Variants in SESN1 observed in about 807,000 individuals in gnomAD.
SESN1 encodes sestrin-1.
SESN1 carries 30 observed loss-of-function variants against 59.3 expected under a neutral mutation model. The ratio of observed to expected loss-of-function variants is 0.51; its 90% CI spans 0.38 to 0.69. SESN1 has a LOEUF of 0.69. Ranked by LOEUF, SESN1 falls within the 30% of genes least tolerant of loss-of-function variation. SESN1 has a pLI of 0.00. For synonymous variants in SESN1, 197 were observed against 219.9 expected (o/e 0.90, Z 0.92); for missense variants, 566 against 673.0 (o/e 0.84, Z 1.76).
At chr6:109,062,735 CT>C (rs1562471726) in intron 1 of SESN1, among the ~76,000 whole-genome samples, 1 of 152,064 alleles carries the variant, frequency 6.6e-6, no homozygotes, top group Non-Finnish European at 1.5e-5. Context: ...ACTGAACCCC[CT>C]ATGTACTATG....
At chr6:109,043,268 T>TA (rs1758316415) in intron 1 of SESN1, among the ~76,000 whole-genome samples, 1 of 152,140 alleles carries the variant, frequency 6.6e-6, no homozygotes, top group Admixed American at 6.5e-5. Flanking sequence ...GCTTTCCTCT[T>TA]AAGATTGGGA....
intron 1 of SESN1, among the ~76,000 whole-genome samples, chr6:109,075,488 C>T (rs147109302): frequency 1.1e-4 from 17 of 152,308 alleles, no homozygotes; most frequent in Admixed American, 5.9e-4. Context: ...CAGCTCCTCA[C>T]GTTTCCTTTG....
chr6:109,041,147 A>G (rs1009308794), intron 1 of SESN1, among the ~76,000 whole-genome samples: 3 of 150,938 alleles, frequency 2.0e-5, no homozygotes, highest in African/African-American at 7.3e-5. Context: ...TTAAAAAAAA[A>G]AAAAACAAAC....
At chr6:109,012,802 C>T (rs372768412) in intron 1 of SESN1, among the ~76,000 whole-genome samples, 1 of 151,872 alleles carries the variant, frequency 6.6e-6, no homozygotes, top group Admixed American at 6.6e-5. Context: ...AGGAGAGTAA[C>T]GGAAGGAGTT....
chr6:109,025,540 A>G (rs1780078646), intron 1 of SESN1, among the ~76,000 whole-genome samples: 1 of 150,468 alleles, frequency 6.6e-6, no homozygotes, highest in Admixed American at 6.7e-5. Context: ...AATCATCTGC[A>G]AAGACTTTGG....
chr6:109,015,700 C>G (rs935825609), intron 1 of SESN1, among the ~76,000 whole-genome samples: 3 of 152,046 alleles, frequency 2.0e-5, no homozygotes, highest in Non-Finnish European at 1.5e-5. Flanking sequence ...ACGGTTAGGA[C>G]TTTAAGCCAT....
In SESN1 at chr6:108,987,493, T is replaced by C. The variant is rs1418342878; in HGVS notation, c.*51A>G. 2.9e-6 allele frequency: 3 copies of C among 1,026,364 alleles called. No homozygotes were observed. Among genetic ancestry groups the C allele is most frequent in the Non-Finnish European group, 4.6e-6 (3 of 658,884 alleles). The allele number at this position is 1,026,364 out of a possible 1,614,324, so 63.6% of individuals were successfully genotyped here. On this transcript the variant is annotated 3_prime_UTR_variant, in exon 10 of 10. Coordinates refer to ENST00000436639, the MANE Select transcript of SESN1 (RefSeq NM_014454.3). ...CTGGGGCTTAGTACCTTCCCCCTTG[T>C]AGACTATATCTGCTGATCATTCCAG...
chr6:108,987,724 T>G, intron 9 of SESN1, 94 bp from the exon 10 acceptor site: 1 of 664,230 alleles, frequency 1.5e-6, no homozygotes, highest in South Asian at 1.8e-5. Flanking sequence ...ATAAGTACAC[T>G]TCCTACACTT....
At chr6:109,077,763 G>C (rs1298881277) in intron 1 of SESN1, among the ~76,000 whole-genome samples, 1 of 152,048 alleles carries the variant, frequency 6.6e-6, no homozygotes, top group African/African-American at 2.4e-5. Flanking sequence ...ATAGTGAGTG[G>C]GTTCATGCAT....
At chr6:109,052,863 A>C (rs1431017920) in intron 1 of SESN1, among the ~76,000 whole-genome samples, 3 of 152,204 alleles carry the variant, frequency 2.0e-5, no homozygotes, top group Non-Finnish European at 4.4e-5. Flanking sequence ...AATCCAGACT[A>C]AGTACTGAGA....
chr6:109,009,348 C>T lies in SESN1; in HGVS notation c.280-7005G>A, dbSNP rs933657188. ...GTACCCAGCGGCCCGCTCAGCCCCTCGCCCAGGTACCTCGTCCTGGTCGCG... is the reference window on the plus strand; with the variant it reads ...GTACCCAGCGGCCCGCTCAGCCCCTTGCCCAGGTACCTCGTCCTGGTCGCG... On this transcript the variant is annotated intron_variant, in intron 1 of 9. Transcript: ENST00000436639. 2.7e-6 allele frequency: 4 copies of T among 1,468,978 alleles called. No homozygotes were observed. The Admixed American group carries it at 9.6e-5, about 35-fold the overall frequency. 91.0% of individuals were successfully genotyped at this position (1,468,978 alleles called of 1,614,324 possible). A position where few individuals can be genotyped will look rare whatever the true frequency, so the allele number is the denominator to read the frequency against.
In SESN1 at chr6:109,040,935, A is replaced by G. The variant is rs532871511; in HGVS notation, c.280-38592T>C. Among the ~76,000 whole-genome samples, 8 of 152,006 alleles carry G rather than the reference A, an allele frequency of 5.3e-5. No homozygotes were observed. In the South Asian group the frequency reaches 1.7e-3, roughly 32 times the overall value. ...CCAAAGTGCTGGGATTACAGGCGTG[A>G]GCCACCGCACCTGGCCCAAACTAGC... is the stretch of plus-strand genomic sequence containing the variant. On this transcript the variant is annotated intron_variant, in intron 1 of 9. Transcript: ENST00000436639.
chr6:109,030,766 T>C (rs1328427800), intron 1 of SESN1, among the ~76,000 whole-genome samples: 1 of 152,182 alleles, frequency 6.6e-6, no homozygotes, highest in African/African-American at 2.4e-5. Context: ...ACAAATTAAT[T>C]TCCCATAGAG....
chr6:109,059,689 G>A (rs1780698966), intron 1 of SESN1: 1 of 152,036 alleles, frequency 6.6e-6, no homozygotes, highest in South Asian at 2.1e-4. Context: ...CATACTTAGA[G>A]AAGGTGTCAT....
intron 1 of SESN1, among the ~76,000 whole-genome samples, chr6:109,051,090 G>A (rs1780533770): frequency 6.6e-6 from 1 of 151,932 alleles, no homozygotes; most frequent in Non-Finnish European, 1.5e-5. Flanking sequence ...AATATAACCT[G>A]AGTCCTAAAC....
At chr6:109,088,291 A>G (rs1367810716) in intron 1 of SESN1, 2 of 152,128 alleles carry the variant, frequency 1.3e-5, no homozygotes, top group Non-Finnish European at 2.9e-5. Context: ...AATGTAGTTG[A>G]GCCAATGAAT....
rs575305668 is a variant in SESN1, at chr6:109,046,965, G to C, written c.280-44622C>G. Among the ~76,000 whole-genome samples, 2 of 107,602 alleles carry C rather than the reference G, an allele frequency of 1.9e-5. 1 individual carries two copies. The highest frequency in any genetic ancestry group is 8.1e-4 in the South Asian group (2 of 2,478). 70.6% of individuals were successfully genotyped at this position (107,602 alleles called of 152,430 possible). ...TGGGAAGTGAGGAGCGTCTCCACCC[G>C]GCAGCCACCCCGTCCGGGAGGGAGG... On this transcript the variant is annotated intron_variant, in intron 1 of 9. Coordinates refer to ENST00000436639, the MANE Select transcript of SESN1 (RefSeq NM_014454.3).
chr6:109,032,251 A>C (rs973279138), intron 1 of SESN1, among the ~76,000 whole-genome samples: 1 of 151,036 alleles, frequency 6.6e-6, no homozygotes, highest in African/African-American at 2.4e-5. Flanking sequence ...CAGCCTGGGC[A>C]ACAAGAGCGA....
At chr6:109,064,204 C>T (rs1780778059) in intron 1 of SESN1, among the ~76,000 whole-genome samples, 1 of 151,944 alleles carries the variant, frequency 6.6e-6, no homozygotes, top group African/African-American at 2.4e-5. Flanking sequence ...TTTTTTCCTA[C>T]AGGCCATATG....
Sources: gnomAD v4.1 joint callset for allele counts (sites outside exome capture counted in the v4.1 genomes callset) on GRCh38, gnomAD v4.1.1 for gene constraint, MANE v1.5 for transcripts, NCBI Gene and HGNC (gene_info 2026-07-23, HGNC 2026-07-21) for gene names.